MTMR7: variants seen among roughly 807,000 people sequenced by gnomAD.
MTMR7 encodes myotubularin related protein 7.
A neutral mutation model predicts 81.2 loss-of-function variants in MTMR7; 76 were observed. The ratio of observed to expected loss-of-function variants is 0.94; its 90% CI spans 0.78 to 1.13. The LOEUF is 1.13. Among genes scored for constraint, MTMR7 ranks in the 50% most tolerant of loss-of-function variants. MTMR7 has a pLI of 0.00. For missense variants in MTMR7, 1,044 were observed against 820.0 expected, an observed-to-expected ratio of 1.27 and a Z score of -3.34; for synonymous variants, 372 against 289.8, an observed-to-expected ratio of 1.28 and a Z score of -2.88.
chr8:17,339,510 T>G (rs1819347393), intron 6 of MTMR7, among the ~76,000 whole-genome samples: 1 of 152,216 alleles, frequency 6.6e-6, no homozygotes, highest in Admixed American at 6.5e-5. Context: ...ATTTCATGAT[T>G]CCTTTGTGAC....
chr8:17,319,113 A>T (rs188937560), intron 7 of MTMR7, among the ~76,000 whole-genome samples: 170 of 152,342 alleles, frequency 1.1e-3, no homozygotes, highest in African/African-American at 3.9e-3. Flanking sequence ...AATAATCATG[A>T]TATACGCATG....
chr8:17,406,975 G>T (rs879801353), intron 1 of MTMR7, among the ~76,000 whole-genome samples: 1 of 152,126 alleles, frequency 6.6e-6, no homozygotes, highest in South Asian at 2.1e-4. Flanking sequence ...AATGGAGACT[G>T]AATGCCAATG....
chr8:17,378,180 C>G (rs1341496662), intron 1 of MTMR7, among the ~76,000 whole-genome samples: 1 of 151,978 alleles, frequency 6.6e-6, no homozygotes, highest in South Asian at 2.1e-4. Context: ...GGCAATAGTT[C>G]CTACAGGTCC....
chr8:17,357,845 G>A (rs947554879), intron 4 of MTMR7, among the ~76,000 whole-genome samples: 5 of 152,186 alleles, frequency 3.3e-5, no homozygotes, highest in African/African-American at 7.2e-5. Flanking sequence ...CATTCATTCC[G>A]TTATTCTTCA....
intron 13 of MTMR7, chr8:17,301,895 C>A: frequency 4.6e-6 from 2 of 438,228 alleles, no homozygotes; most frequent in East Asian, 3.4e-5. Flanking sequence ...TAACAGTAAC[C>A]AAACAAGTTG....
chr8:17,319,019 T>C (rs973055116), intron 7 of MTMR7, among the ~76,000 whole-genome samples: 2 of 152,268 alleles, frequency 1.3e-5, no homozygotes, highest in Non-Finnish European at 2.9e-5. Context: ...CACATTAGCT[T>C]ACTCTGCCAT....
intron 4 of MTMR7, among the ~76,000 whole-genome samples, chr8:17,359,038 T>G (rs1371266755): frequency 6.6e-6 from 1 of 151,968 alleles, no homozygotes; most frequent in African/African-American, 2.4e-5. Flanking sequence ...GGACTACAGG[T>G]GCACACCTCC....
intron 7 of MTMR7, among the ~76,000 whole-genome samples, 184 bp downstream of exon 7, chr8:17,330,966 C>T (rs1296422916): frequency 1.3e-5 from 2 of 152,176 alleles, no homozygotes; most frequent in African/African-American, 4.8e-5. Flanking sequence ...GACAAAACCA[C>T]ATCACAGTGA....
rs1325003432 is a variant in MTMR7, at chr8:17,373,219, C to T, written c.46G>A (p.Asp16Asn). The change falls in exon 2 of 14, where the codon GAT (aspartate) becomes AAT (asparagine). Residue 16 changes from aspartate (D) to asparagine (N), a missense_variant. Asp to Asn is a conservative substitution (Grantham distance 23). Coordinates refer to ENST00000180173, the MANE Select transcript of MTMR7 (RefSeq NM_004686.5). ...GCTGCTTTTTTAGGAGACACTCGAT[C>T]TACCAAGCGGACATTTTCAACCTAG... ...TPKVENVRLV[D>N]RVSPKKAALG... The T allele has an allele frequency of 3.1e-6, 5 of 1,613,532 alleles. No homozygotes were observed. Among genetic ancestry groups the T allele is most frequent in the Admixed American group, 1.7e-5 (1 of 59,998 alleles).
chr8:17,384,827 T>C (rs1464878991), intron 1 of MTMR7, among the ~76,000 whole-genome samples: 1 of 152,222 alleles, frequency 6.6e-6, no homozygotes. Flanking sequence ...AAAGGAGTAT[T>C]TAATCTTTCT....
chr8:17,359,574 C>A (rs75709550), intron 4 of MTMR7, among the ~76,000 whole-genome samples: 2,064 of 105,520 alleles, frequency 0.02, 46 homozygotes, highest in East Asian at 0.1. Flanking sequence ...AGAGTGAAAC[C>A]CTGTTTCCTT....
chr8:17,403,338 T>G (rs1235363457), intron 1 of MTMR7, among the ~76,000 whole-genome samples: 5 of 152,220 alleles, frequency 3.3e-5, no homozygotes. Flanking sequence ...GAGACTGTCT[T>G]TTTCCCAATA....
chr8:17,387,505 T>C lies in MTMR7; in HGVS notation c.25-14265A>G, dbSNP rs139961635. On this transcript the variant is annotated intron_variant, in intron 1 of 13. Coordinates refer to ENST00000180173, the MANE Select transcript of MTMR7 (RefSeq NM_004686.5). ...TGAATATATCTAGACTGTTTTGTTA[T>C]GTTGGTTGCAGAGAAAGACATTAAA... Among the ~76,000 whole-genome samples, 7 of 152,348 alleles carry C rather than the reference T, an allele frequency of 4.6e-5. No homozygotes were observed. In the East Asian group the frequency reaches 1.4e-3, roughly 29 times the overall value.
chr8:17,300,941 G>T (rs747602787), intron 13 of MTMR7, among the ~76,000 whole-genome samples: 1 of 152,186 alleles, frequency 6.6e-6, no homozygotes, highest in Non-Finnish European at 1.5e-5. Context: ...GGTACAGCAT[G>T]TATCAAGTAC....
chr8:17,378,371 T>G (rs1820654285), intron 1 of MTMR7, among the ~76,000 whole-genome samples: 1 of 152,182 alleles, frequency 6.6e-6, no homozygotes, highest in South Asian at 2.1e-4. Flanking sequence ...ACCTCACAGT[T>G]TATACTAAGA....
intron 1 of MTMR7, among the ~76,000 whole-genome samples, chr8:17,375,094 A>G (rs1820540085): frequency 6.6e-6 from 1 of 152,162 alleles, no homozygotes. Flanking sequence ...CTTCTCAAAA[A>G]TGAATAAATA....
chr8:17,360,999 C>A, intron 4 of MTMR7, 118 bp downstream of exon 4: 1 of 1,145,400 alleles, frequency 8.7e-7, no homozygotes, highest in South Asian at 1.5e-5. Context: ...ACCTGGAAAT[C>A]CACATATGGA....
intron 7 of MTMR7, among the ~76,000 whole-genome samples, chr8:17,317,648 G>A (rs1414917389): frequency 6.6e-6 from 1 of 152,156 alleles, no homozygotes; most frequent in Non-Finnish European, 1.5e-5. Context: ...GAGGAAGGAG[G>A]CTGGGACCCA....
At chr8:17,383,770 G>A (rs892184148) in intron 1 of MTMR7, among the ~76,000 whole-genome samples, 5 of 151,934 alleles carry the variant, frequency 3.3e-5, no homozygotes, top group East Asian at 1.9e-4. Flanking sequence ...GCAAATCCCC[G>A]AAAGACTCGG....
Sources: allele counts gnomAD v4.1 joint callset (sites outside exome capture counted in the v4.1 genomes callset), GRCh38; gene constraint gnomAD v4.1.1; transcripts MANE v1.5; gene names NCBI Gene and HGNC (gene_info 2026-07-23, HGNC 2026-07-21).